The following FBXL7 variants were observed in gnomAD, a reference collection of about 807,000 sequenced individuals.
FBXL7 encodes the protein F-box and leucine rich repeat protein 7.
A neutral mutation model predicts 38.3 loss-of-function variants in FBXL7; 12 were observed. The observed-to-expected ratio is 0.31, with a 90% CI of 0.20 to 0.51. The LOEUF (loss-of-function observed/expected upper bound fraction) is 0.51, where lower values mean the gene tolerates loss of function less well. Ranked by LOEUF, FBXL7 falls within the 20% of genes least tolerant of loss-of-function variation. FBXL7 has a pLI of 0.98. For missense variants in FBXL7, 567 were observed against 676.4 expected, an observed-to-expected ratio of 0.84 and a Z score of 1.79; for synonymous variants, 297 against 300.9, an observed-to-expected ratio of 0.99 and a Z score of 0.13.
At chr5:15,920,431 T>G (rs1248649328) in intron 2 of FBXL7, among the ~76,000 whole-genome samples, 1 of 152,182 alleles carries the variant, frequency 6.6e-6, no homozygotes, top group East Asian at 1.9e-4. Flanking sequence ...GTTTACTGAA[T>G]TTTAATGCCA....
chr5:15,675,782 C>T (rs1404066223), intron 2 of FBXL7, among the ~76,000 whole-genome samples: 1 of 152,230 alleles, frequency 6.6e-6, no homozygotes, highest in Non-Finnish European at 1.5e-5. Flanking sequence ...TAGGACCATT[C>T]ATTTTATCAT....
chr5:15,890,839 C>A (rs1175810730), intron 2 of FBXL7, among the ~76,000 whole-genome samples: 1 of 151,950 alleles, frequency 6.6e-6, no homozygotes, highest in Non-Finnish European at 1.5e-5. Flanking sequence ...ACGCCATAAA[C>A]AAATTCAGGA....
rs1479914592 is a variant in FBXL7, at chr5:15,890,995, A to G, written c.128-36895A>G. On this transcript the variant is annotated intron_variant, in intron 2 of 3. Transcript: ENST00000504595. ...TTGAAAATCTATTATCTGTTCAGAGAGAGTCTAGCTTAATGATGGCCATAT... is the reference window on the plus strand; with the variant it reads ...TTGAAAATCTATTATCTGTTCAGAGGGAGTCTAGCTTAATGATGGCCATAT... 2.0e-5 allele frequency among the ~76,000 whole-genome samples: 3 copies of G among 152,220 alleles called. No homozygotes were observed. The East Asian group carries it at 5.8e-4, about 29-fold the overall frequency.
At chr5:15,513,270 T>C (rs1398424595) in intron 1 of FBXL7, among the ~76,000 whole-genome samples, 1 of 152,242 alleles carries the variant, frequency 6.6e-6, no homozygotes, top group African/African-American at 2.4e-5. Context: ...ATTTTTTTTT[T>C]CTATCTGTGG....
chr5:15,779,064 T>G (rs1321482823), intron 2 of FBXL7, among the ~76,000 whole-genome samples: 1 of 152,090 alleles, frequency 6.6e-6, no homozygotes, highest in Non-Finnish European at 1.5e-5. Context: ...CATATACGCT[T>G]AGGATGGGTA....
intron 2 of FBXL7, among the ~76,000 whole-genome samples, chr5:15,771,912 C>T (rs560998817): frequency 2.0e-5 from 3 of 151,526 alleles, no homozygotes; most frequent in Admixed American, 6.6e-5. Flanking sequence ...GTATTACAGG[C>T]GTGTGCCACC....
In FBXL7 at chr5:15,500,335, G is replaced by C. The variant is rs1230214321; in HGVS notation, c.-342G>C. On this transcript the variant is annotated 5_prime_UTR_variant, in exon 1 of 4. Coordinates refer to ENST00000504595, the MANE Select transcript of FBXL7 (RefSeq NM_012304.5). ...GGCTCAGCGCCCACCGGAGGGGATCGGGGCGGGCGGATGGGGACCCGGCGG... is the reference window on the plus strand; with the variant it reads ...GGCTCAGCGCCCACCGGAGGGGATCCGGGCGGGCGGATGGGGACCCGGCGG... The C allele has an allele frequency of 6.6e-6, 1 of 152,306 alleles. No homozygotes were observed. The highest frequency in any genetic ancestry group is 2.4e-5 in the African/African-American group (1 of 41,248). The allele number at this position is 152,306 out of a possible 1,614,324, so 9.4% of individuals were successfully genotyped here. A position where few individuals can be genotyped will look rare whatever the true frequency, so the allele number is the denominator to read the frequency against.
intron 2 of FBXL7, among the ~76,000 whole-genome samples, chr5:15,830,623 C>A (rs1036723817): frequency 2.0e-5 from 3 of 152,144 alleles, no homozygotes; most frequent in Admixed American, 2.0e-4. Flanking sequence ...GTTGTACAAA[C>A]CTCAGGCGCC....
chr5:15,577,170 G>A (rs1178938642), intron 1 of FBXL7, among the ~76,000 whole-genome samples: 1 of 152,152 alleles, frequency 6.6e-6, no homozygotes, highest in African/African-American at 2.4e-5. Flanking sequence ...TCTGACAGGC[G>A]TGGTTCACTC....
intron 2 of FBXL7, among the ~76,000 whole-genome samples, chr5:15,634,313 C>CTTTTTTTTT (rs57823645): frequency 4.5e-5 from 5 of 112,270 alleles, no homozygotes; most frequent in Non-Finnish European, 8.9e-5. Flanking sequence ...ATGTTCGTTT[C>CTTTTTTTTT]TTTTTTTTTT....
chr5:15,888,562 C>A (rs1025534705), intron 2 of FBXL7, among the ~76,000 whole-genome samples: 7 of 152,046 alleles, frequency 4.6e-5, no homozygotes, highest in Admixed American at 4.6e-4. Context: ...CAGAAGCCAC[C>A]GAGCTTTTTC....
intron 3 of FBXL7, among the ~76,000 whole-genome samples, chr5:15,932,622 A>T (rs767985315): frequency 2.6e-5 from 4 of 152,142 alleles, no homozygotes; most frequent in Non-Finnish European, 5.9e-5. Context: ...AGACACCCTA[A>T]GTTTCACCTC....
At chr5:15,721,412 C>G (rs1452716881) in intron 2 of FBXL7, among the ~76,000 whole-genome samples, 1 of 152,024 alleles carries the variant, frequency 6.6e-6, no homozygotes. Flanking sequence ...GTGGGAAGTG[C>G]CCTGCCAAAA....
Position 15,500,676 on chromosome 5 carries a change from G to T in FBXL7, c.-1G>T. 1 of 1,612,400 alleles carries T rather than the reference G, an allele frequency of 6.2e-7. No individual in the cohort carries two copies. Among genetic ancestry groups the T allele is most frequent in the East Asian group, 2.2e-5 (1 of 44,572 alleles). On this transcript the variant is annotated 5_prime_UTR_variant, in exon 1 of 4. Coordinates refer to ENST00000504595, the MANE Select transcript of FBXL7 (RefSeq NM_012304.5). Reference sequence around the variant, plus strand: ...GAGACGGCGGGCATGACGGCTACAGGATGGGCGCGAACAATGGCAAACAGT... The same window carrying T: ...GAGACGGCGGGCATGACGGCTACAGTATGGGCGCGAACAATGGCAAACAGT...
intron 2 of FBXL7, among the ~76,000 whole-genome samples, chr5:15,788,905 C>T (rs1022154801): frequency 6.7e-6 from 1 of 149,998 alleles, no homozygotes; most frequent in Non-Finnish European, 1.5e-5. Flanking sequence ...AGCTGGAGTA[C>T]AGTGGTGTGA....
chr5:15,601,677 C>G (rs983378478), intron 1 of FBXL7, among the ~76,000 whole-genome samples: 1 of 152,160 alleles, frequency 6.6e-6, no homozygotes, highest in African/African-American at 2.4e-5. Flanking sequence ...ACGATACATT[C>G]AATCTTACTT....
rs373909375 is a variant in FBXL7 at position 15,655,518 on chromosome 5, A to G, written c.127+39446A>G. On this transcript the variant is annotated intron_variant, in intron 2 of 3. Transcript: ENST00000504595. Reference sequence around the variant, plus strand: ...CAAAAAAAAAAAAAGAAAAGAAAAGAGAAAGAAATATAATTTTTGACTAAA... The same window carrying G: ...CAAAAAAAAAAAAAGAAAAGAAAAGGGAAAGAAATATAATTTTTGACTAAA... 1.4e-4 allele frequency among the ~76,000 whole-genome samples: 22 copies of G among 152,000 alleles called. No homozygotes were observed. The East Asian group carries it at 3.5e-3, about 24-fold the overall frequency.
At chr5:15,883,762 TA>T (rs1280894585) in intron 2 of FBXL7, among the ~76,000 whole-genome samples, 5 of 152,202 alleles carry the variant, frequency 3.3e-5, no homozygotes, top group Non-Finnish European at 7.3e-5. Context: ...TCAAACTAAT[TA>T]AATTCTAAAA....
chr5:15,622,993 C>G (rs1192182805), intron 2 of FBXL7, among the ~76,000 whole-genome samples: 1 of 152,168 alleles, frequency 6.6e-6, no homozygotes, highest in Non-Finnish European at 1.5e-5. Flanking sequence ...GCGTGAGCCA[C>G]CATGCCCAGC....
Sources: gnomAD v4.1 joint callset for allele counts (sites outside exome capture counted in the v4.1 genomes callset) on GRCh38, gnomAD v4.1.1 for gene constraint, MANE v1.5 for transcripts, NCBI Gene and HGNC (gene_info 2026-07-23, HGNC 2026-07-21) for gene names.